Variants in STAT6 observed in about 807,000 individuals in gnomAD.
STAT6 encodes the protein STAT, interleukin4-induced.
In STAT6, 45 loss-of-function variants were observed where a neutral mutation model predicts 106.3. The ratio of observed to expected loss-of-function variants is 0.42; its 90% CI spans 0.33 to 0.54. STAT6 has a LOEUF of 0.54. STAT6 is among the 20% of genes least tolerant of loss of function. The pLI is 0.06. For synonymous variants in STAT6, 413 were observed against 413.6 expected (o/e 1.00, Z 0.02); for missense variants, 797 against 1,062.2 (o/e 0.75, Z 3.47).
chr12:57,101,269 A>G (rs2033911490), intron 13 of STAT6, among the ~76,000 whole-genome samples: 1 of 151,588 alleles, frequency 6.6e-6, no homozygotes, highest in African/African-American at 2.4e-5. Context: ...TTGTATTTTT[A>G]GTAGAGACGG....
intron 4 of STAT6, 93 bp downstream of exon 4, chr12:57,107,138 C>T (rs944656208): frequency 7.3e-7 from 1 of 1,378,310 alleles, no homozygotes; most frequent in Non-Finnish European, 1.0e-6. Context: ...AACACTGAGC[C>T]TTTACTGAGG....
In STAT6 at chr12:57,100,638, G is replaced by GAGAA. The variant is rs201086579; in HGVS notation, c.1513-552_1513-549dup. ...AGAAAGAAAAAGAGAGAAAGAGAAA[G>GAGAA]AGAAAGAAAGAAAGAAAGAAAGAAA... is the stretch of plus-strand genomic sequence containing the variant. On this transcript the variant is annotated intron_variant, in intron 13 of 21. Coordinates refer to ENST00000300134, the MANE Select transcript of STAT6 (RefSeq NM_003153.5). Among the ~76,000 whole-genome samples, 558 of 100,026 alleles carry GAGAA rather than the reference G, an allele frequency of 5.6e-3. 6 individuals carry two copies. Among genetic ancestry groups the GAGAA allele is most frequent in the South Asian group, 0.013 (35 of 2,718 alleles). The allele number at this position is 100,026 out of a possible 152,430, so 65.6% of individuals were successfully genotyped here. A position where few individuals can be genotyped will look rare whatever the true frequency, so the allele number is the denominator to read the frequency against.
In STAT6 at chr12:57,099,199, C is replaced by T; in HGVS notation, c.1891+95G>A. The stretch of plus-strand genomic sequence containing the variant: ...AGCACAGCTATGAAATAGGGAGTGA[C>T]ATCAGGATGACACGCGGGCAGGGAG... On this transcript the variant is annotated intron_variant, in intron 16 of 21. Coordinates refer to ENST00000300134, the MANE Select transcript of STAT6 (RefSeq NM_003153.5). This position sits in a 1 kb window ranked among gnomAD's most constrained non-coding sequence, Gnocchi z 4.7. 6.3e-7 allele frequency: 1 copy of T among 1,597,638 alleles called. No homozygotes were observed.
Position 57,102,389 on chromosome 12 carries a change from T to C in STAT6, c.1413A>G (p.Pro471=). Residue 471 remains proline, a synonymous_variant, in exon 13 of 22, where the codon CCA becomes CCG. Coordinates refer to ENST00000300134, the MANE Select transcript of STAT6 (RefSeq NM_003153.5). ...AEVGTNRGLL[P]EHFLFLAQKI... is the part of the protein sequence containing the mutation. ...TCTGGGCCAGGAAGAGGAAGTGCTC[T>C]GGGAGCAGCCCCCGGTTGGTCCCCA... is the stretch of plus-strand genomic sequence containing the variant. 1.2e-6 allele frequency: 2 copies of C among 1,614,180 alleles called. No homozygotes were observed. Among genetic ancestry groups the C allele is most frequent in the Non-Finnish European group, 1.7e-6 (2 of 1,180,036 alleles).
chr12:57,104,252 C>G lies in STAT6; in HGVS notation c.1212+212G>C, dbSNP rs3024957. The stretch of plus-strand genomic sequence containing the variant: ...AGAGTGCCCTGGTCTATAGGAAGTG[C>G]TTCCGAAGTGTTTGCTGCTATCCAC... On this transcript the variant is annotated intron_variant, in intron 11 of 21. Coordinates refer to ENST00000300134, the MANE Select transcript of STAT6 (RefSeq NM_003153.5). 4,360 of 631,638 alleles carry G rather than the reference C, an allele frequency of 6.9e-3. 141 individuals are homozygous for G. The highest frequency in any genetic ancestry group is 0.067 in the African/African-American group (3,660 of 54,478). The allele number at this position is 631,638 out of a possible 1,614,324, so 39.1% of individuals were successfully genotyped here.
At chr12:57,109,348 G>A (rs1317334876) in intron 1 of STAT6, among the ~76,000 whole-genome samples, 1 of 152,066 alleles carries the variant, frequency 6.6e-6, no homozygotes, top group Non-Finnish European at 1.5e-5. Flanking sequence ...TCTCCTTCAG[G>A]CCTCACGACA....
chr12:57,097,093 G>A lies in STAT6; in HGVS notation c.2200C>T (p.Leu734=), dbSNP rs994198801. ...QMPPSLGQMS[L]PFDQPHPQGL... is the part of the protein sequence containing the mutation. ...TGGGGGTGAGGCTGGTCAAAGGGCAGGCTCATCTGGCCCAGGCTGGGGGGC... is the reference window on the plus strand; with the variant it reads ...TGGGGGTGAGGCTGGTCAAAGGGCAAGCTCATCTGGCCCAGGCTGGGGGGC... Residue 734 remains leucine (L), a synonymous_variant, in exon 20 of 22, where the codon CTG becomes TTG. Transcript: ENST00000300134. 1 of 1,531,524 alleles carries A rather than the reference G, an allele frequency of 6.5e-7. No homozygotes were observed. Among genetic ancestry groups the A allele is most frequent in the Non-Finnish European group, 8.8e-7 (1 of 1,139,234 alleles). 94.9% of individuals were successfully genotyped at this position (1,531,524 alleles called of 1,614,324 possible). A position where few individuals can be genotyped will look rare whatever the true frequency, so the allele number is the denominator to read the frequency against.
Position 57,098,490 on chromosome 12 carries a change from A to C in STAT6, c.2159+15T>G, listed in dbSNP as rs769398935. 3 of 1,613,104 alleles carry C rather than the reference A, an allele frequency of 1.9e-6. No individual in the cohort carries two copies. Reference sequence around the variant, plus strand: ...CTTAGAGTGGGATGGTATCCCCATGAGGTTTTTCACTTACTCCTGGAAGGC... The same window carrying C: ...CTTAGAGTGGGATGGTATCCCCATGCGGTTTTTCACTTACTCCTGGAAGGC... On this transcript the variant is annotated intron_variant, in intron 19 of 21. Coordinates refer to ENST00000300134, the MANE Select transcript of STAT6 (RefSeq NM_003153.5).
At position 57,107,074 on chromosome 12, in the gene STAT6, GA is replaced by G. The variant is rs540600225; in HGVS notation, c.339+156del. Among the ~76,000 whole-genome samples the G allele has an allele frequency of 3.6e-3, 548 of 152,306 alleles. 4 individuals are homozygous for G. The highest frequency in any genetic ancestry group is 6.6e-3 in the Non-Finnish European group (452 of 68,028). ...CCTCATAGAAAGATTCCCTGAGCTT[GA>G]CTTGGGGTTCACTCTGACCCTAGGA... On this transcript the variant is annotated intron_variant, in intron 4 of 21. Transcript: ENST00000300134.
intron 6 of STAT6, 29 bp from the exon 7 acceptor site, chr12:57,106,368 G>A (rs1452189772): frequency 2.7e-5 from 43 of 1,612,884 alleles, no homozygotes; most frequent in Non-Finnish European, 3.2e-5. Context: ...CTGAGCCAGG[G>A]CCTCACGCTG....
At chr12:57,105,800 G>T in intron 7 of STAT6, 1 of 920,496 alleles carries the variant, frequency 1.1e-6, no homozygotes, top group Non-Finnish European at 1.6e-6. Context: ...CATTCTCAGT[G>T]CCTACACCCC....
chr12:57,096,307 C>A lies in STAT6; in HGVS notation c.*265G>T. The stretch of plus-strand genomic sequence containing the variant: ...TGCGTGTGCGCGCTGCAGGTGCAGG[C>A]ATGTTGGGGTGTGTCTCAGAGCCTG... On this transcript the variant is annotated 3_prime_UTR_variant, in exon 22 of 22. Transcript: ENST00000300134. The A allele has an allele frequency of 4.3e-6, 2 of 467,718 alleles. No individual in the cohort carries two copies. The highest frequency in any genetic ancestry group is 7.6e-6 in the Non-Finnish European group (2 of 263,268). The allele number at this position is 467,718 out of a possible 1,614,324, so 29.0% of individuals were successfully genotyped here. A position where few individuals can be genotyped will look rare whatever the true frequency, so the allele number is the denominator to read the frequency against.
chr12:57,096,914 C>T lies in STAT6; in HGVS notation c.2290G>A (p.Asp764Asn). ...VSSPDPLLCS[D>N]VTMVEDSCLS... ...CAGCTGTCTTCCACCATGGTCACAT[C>T]TGAGCAGAGCAGGGGGTCAGGGCTG... Residue 764 changes from aspartate to asparagine, a missense_variant, in exon 21 of 22, where the codon GAT becomes AAT. By Grantham distance (23) the Asp-to-Asn change is conservative (BLOSUM62 1). Coordinates refer to ENST00000300134, the MANE Select transcript of STAT6 (RefSeq NM_003153.5). 6.2e-7 allele frequency: 1 copy of T among 1,614,192 alleles called. No homozygotes were observed. The highest frequency in any genetic ancestry group is 8.5e-7 in the Non-Finnish European group (1 of 1,180,042).
intron 7 of STAT6, 164 bp downstream of exon 7, chr12:57,106,021 GATGCGA>G: frequency 8.7e-7 from 1 of 1,153,636 alleles, no homozygotes; most frequent in Non-Finnish European, 1.2e-6. Context: ...ACTTGTACAG[GATGCGA>G]CCTGAACGAC....
In STAT6 at chr12:57,104,521, A is replaced by G; in HGVS notation, c.1155T>C (p.Ala385=). 11 of 1,613,732 alleles carry G rather than the reference A, an allele frequency of 6.8e-6. No individual in the cohort carries two copies. Among genetic ancestry groups the G allele is most frequent in the South Asian group, 1.1e-5 (1 of 90,890 alleles). Residue 385 remains alanine, a synonymous_variant, in exon 11 of 22, where the codon GCT becomes GCC. Coordinates refer to ENST00000300134, the MANE Select transcript of STAT6 (RefSeq NM_003153.5). ...GTGTGAAGCTGGCAGAGAAGAGCACAGCGCACTTCTCCTCTGTGACAGACT... is the reference window on the plus strand; with the variant it reads ...GTGTGAAGCTGGCAGAGAAGAGCACGGCGCACTTCTCCTCTGTGACAGACT... ...GTESVTEEKC[A]VLFSASFTLG...
chr12:57,103,872 G>A, intron 11 of STAT6: 1 of 153,062 alleles, frequency 6.5e-6, no homozygotes, highest in Non-Finnish European at 1.5e-5. Flanking sequence ...GCCGGACAGG[G>A]GTTTCTTAGT....
Position 57,102,791 on chromosome 12 carries a change from C to G in STAT6, c.1305+38G>C. ...CACCACTGCCCATGTTAGAACCCAC[C>G]CTGCCCCTGTTCCCTCCAACTCCAG... is the stretch of plus-strand genomic sequence containing the variant. On this transcript the variant is annotated intron_variant, in intron 12 of 21. Transcript: ENST00000300134. The G allele has an allele frequency of 3.8e-6, 6 of 1,558,842 alleles. No homozygotes were observed. The South Asian group carries it at 5.6e-5, about 14-fold the overall frequency.
At chr12:57,106,663 C>CA in intron 5 of STAT6, 30 bp downstream of exon 5, 1 of 1,613,966 alleles carries the variant, frequency 6.2e-7, no homozygotes, top group Non-Finnish European at 8.5e-7. Context: ...ACCACTCCTA[C>CA]ACACTCCCCA....
rs1438998075 is a variant in STAT6 at position 57,097,133 on chromosome 12, C to T, written c.2160G>A (p.Glu720=). 1.3e-6 allele frequency: 2 copies of T among 1,512,148 alleles called. No individual in the cohort carries two copies. The highest frequency in any genetic ancestry group is 1.8e-6 in the Non-Finnish European group (2 of 1,130,956). 93.7% of individuals were successfully genotyped at this position (1,512,148 alleles called of 1,614,324 possible). A position where few individuals can be genotyped will look rare whatever the true frequency, so the allele number is the denominator to read the frequency against. Residue 720 remains glutamate (E), a splice_region_variant and synonymous_variant, in exon 20 of 22, where the codon GAG becomes GAA. Transcript: ENST00000300134. ...ESVNVLSAFQ[E]PHLQMPPSLG... is the part of the protein sequence containing the mutation. ...GGCTGGGGGGCATCTGCAGGTGAGG[C>T]CTGGAAGTAGGGAGAGCACAGTTAG...
Sources: allele counts gnomAD v4.1 joint callset (sites outside exome capture counted in the v4.1 genomes callset), GRCh38; gene constraint gnomAD v4.1.1; non-coding constraint Gnocchi (gnomAD v3.1); transcripts MANE v1.5; gene names NCBI Gene and HGNC (gene_info 2026-07-23, HGNC 2026-07-21).